Variants in NR3C1 observed in about 807,000 individuals in gnomAD.
NR3C1 encodes the protein glucocorticoid receptor.
In NR3C1, 14 loss-of-function variants were observed where a neutral mutation model predicts 74.0. The observed-to-expected ratio is 0.19, with a 90% confidence interval of 0.12 to 0.30. The LOEUF (loss-of-function observed/expected upper bound fraction) is 0.30. Among genes scored for constraint, NR3C1 ranks in the 10% least tolerant of loss-of-function variants. The pLI, the probability that NR3C1 is intolerant of heterozygous loss-of-function variation, is 1.00. For synonymous variants in NR3C1, 308 were observed against 332.5 expected, an observed-to-expected ratio of 0.93 and a Z score of 0.80; for missense variants, 695 against 909.8, an observed-to-expected ratio of 0.76 and a Z score of 3.04.
At chr5:143,385,373 T>C (rs1837008702) in intron 2 of NR3C1, among the ~76,000 whole-genome samples, 1 of 152,244 alleles carries the variant, frequency 6.6e-6, no homozygotes, top group Non-Finnish European at 1.5e-5. Flanking sequence ...TCACTTGAAT[T>C]GCTCCCCAGA....
intron 2 of NR3C1, among the ~76,000 whole-genome samples, chr5:143,344,313 A>T (rs1456797332): frequency 6.6e-6 from 1 of 152,244 alleles, no homozygotes; most frequent in Non-Finnish European, 1.5e-5. Context: ...GATAGTACAC[A>T]GGTGAAACCA....
In NR3C1 at chr5:143,297,035, C is replaced by T. The variant is rs188849560; in HGVS notation, c.1893-1445G>A. 3.2e-3 allele frequency among the ~76,000 whole-genome samples: 479 copies of T among 147,548 alleles called. 8 individuals carry two copies. The highest frequency in any genetic ancestry group is 1.9e-3 in the Non-Finnish European group (126 of 67,412). Reference sequence around the variant, plus strand: ...GAGGTTGCCATGAGCCAAGATCACACCACTGCACTTGAGCCTGGGTGACAG... The same window carrying T: ...GAGGTTGCCATGAGCCAAGATCACATCACTGCACTTGAGCCTGGGTGACAG... On this transcript the variant is annotated intron_variant, in intron 6 of 8. Transcript: ENST00000394464.
At chr5:143,350,507 G>A (rs1037490088) in intron 2 of NR3C1, among the ~76,000 whole-genome samples, 2 of 152,098 alleles carry the variant, frequency 1.3e-5, no homozygotes, top group Admixed American at 1.3e-4. Context: ...GAGGAAGCAG[G>A]CCTTAGAATA....
intron 1 of NR3C1, among the ~76,000 whole-genome samples, chr5:143,433,328 A>G (rs1751927730): frequency 6.9e-6 from 1 of 144,572 alleles, no homozygotes; most frequent in South Asian, 2.1e-4. Flanking sequence ...AAGGATACTG[A>G]GGACTGGAGA....
chr5:143,411,187 A>C (rs11747997), intron 1 of NR3C1, among the ~76,000 whole-genome samples: 42,870 of 152,024 alleles, frequency 0.28, 6,329 homozygotes, highest in Middle Eastern at 0.36. Flanking sequence ...GTTTGAAATC[A>C]ACCATGGTGG....
chr5:143,297,344 T>G (rs1307148260), intron 6 of NR3C1, among the ~76,000 whole-genome samples: 1 of 152,174 alleles, frequency 6.6e-6, no homozygotes, highest in African/African-American at 2.4e-5. Flanking sequence ...CCAGGATAAG[T>G]TGGTGTTTCA....
At chr5:143,286,511 T>C (rs1173421506) in intron 7 of NR3C1, among the ~76,000 whole-genome samples, 1 of 152,092 alleles carries the variant, frequency 6.6e-6, no homozygotes, top group Non-Finnish European at 1.5e-5. Context: ...ACGAAAAATA[T>C]ATGATCTTGA....
intron 2 of NR3C1, among the ~76,000 whole-genome samples, chr5:143,335,479 A>G (rs1265071487): frequency 1.3e-5 from 2 of 152,266 alleles, no homozygotes; most frequent in South Asian, 2.1e-4. Context: ...TATAAAAACT[A>G]TAACTATTTA....
Position 143,323,374 on chromosome 5 carries a change from T to A in NR3C1, c.1185-9206A>T, listed in dbSNP as rs117779529. On this transcript the variant is annotated intron_variant, in intron 2 of 8. Transcript: ENST00000394464. The stretch of plus-strand genomic sequence containing the variant: ...AGAAAAATGAGGAAGAGGCAAAAGT[T>A]TTGGAAACCCCTGATAAACCCATGA... 1.0e-3 allele frequency among the ~76,000 whole-genome samples: 156 copies of A among 152,216 alleles called. 3 individuals are homozygous for A. The East Asian group carries it at 0.022, about 22-fold the overall frequency.
intron 2 of NR3C1, among the ~76,000 whole-genome samples, chr5:143,317,772 C>T (rs1237131537): frequency 6.6e-6 from 1 of 152,152 alleles, no homozygotes; most frequent in East Asian, 1.9e-4. Context: ...AGGTAAATTA[C>T]ACCCATTCAT....
In NR3C1 at chr5:143,400,681, T is replaced by C. The variant is rs1352740995; in HGVS notation, c.159A>G (p.Gln53=). The C allele has an allele frequency of 2.5e-6, 4 of 1,614,106 alleles. No individual in the cohort carries two copies. The Admixed American group carries it at 5.0e-5, about 20-fold the overall frequency. ...ASSPSLAVAS[Q]SDSKQRRLLV... Reference sequence around the variant, plus strand: ...AAAGTCTTCGCTGCTTGGAGTCTGATTGAGAAGCGACAGCCAGTGAGGGTG... The same window carrying C: ...AAAGTCTTCGCTGCTTGGAGTCTGACTGAGAAGCGACAGCCAGTGAGGGTG... The change falls in exon 2 of 9, where the codon CAA becomes CAG. Residue 53 remains glutamine (Q), a synonymous_variant. Coordinates refer to ENST00000394464, the MANE Select transcript of NR3C1 (RefSeq NM_000176.3).
intron 2 of NR3C1, among the ~76,000 whole-genome samples, chr5:143,356,946 A>G (rs965961679): frequency 1.1e-4 from 17 of 152,340 alleles, no homozygotes; most frequent in Admixed American, 5.9e-4. Context: ...TCAATAGGTA[A>G]ATAAATAAAA....
chr5:143,374,333 A>T (rs945035927), intron 2 of NR3C1, among the ~76,000 whole-genome samples: 2 of 152,120 alleles, frequency 1.3e-5, no homozygotes, highest in African/African-American at 4.8e-5. Flanking sequence ...TCTACTAAAA[A>T]TACAAAAAAT....
chr5:143,360,382 G>T (rs917644498), intron 2 of NR3C1, among the ~76,000 whole-genome samples: 4 of 152,090 alleles, frequency 2.6e-5, no homozygotes, highest in African/African-American at 9.7e-5. Flanking sequence ...ATTTATAAAT[G>T]ACTGCCTTTT....
intron 3 of NR3C1, 141 bp from the exon 4 acceptor site, chr5:143,310,354 G>A: frequency 1.5e-6 from 1 of 679,888 alleles, no homozygotes; most frequent in Non-Finnish European, 2.6e-6. Flanking sequence ...TGCCTACATT[G>A]CCATTATGAG....
In NR3C1 at chr5:143,403,400, C is replaced by T. The variant is rs901943192; in HGVS notation, c.-203G>A. 45 of 985,312 alleles carry T rather than the reference C, an allele frequency of 4.6e-5. No homozygotes were observed. Among genetic ancestry groups the T allele is most frequent in the Non-Finnish European group, 5.4e-5 (45 of 829,994 alleles). The allele number at this position is 985,312 out of a possible 1,614,324, so 61.0% of individuals were successfully genotyped here. A position where few individuals can be genotyped will look rare whatever the true frequency, so the allele number is the denominator to read the frequency against. On this transcript the variant is annotated 5_prime_UTR_variant, in exon 1 of 9. Transcript: ENST00000394464. ...CCCTATTTAAGAAAGTCTCCCATTG[C>T]CCAGCTGACAAGCCAGCCCTCCGCC...
At chr5:143,289,124 AAAC>A (rs1815269807) in intron 7 of NR3C1, among the ~76,000 whole-genome samples, 1 of 152,158 alleles carries the variant, frequency 6.6e-6, no homozygotes, top group Non-Finnish European at 1.5e-5. Context: ...AGAATATCCA[AAAC>A]AACAGTTTGG....
chr5:143,313,914 G>A, intron 3 of NR3C1, 88 bp downstream of exon 3: 1 of 1,418,980 alleles, frequency 7.0e-7, no homozygotes, highest in Non-Finnish European at 9.9e-7. Context: ...GCCTTTCATG[G>A]GCTTTGCATA....
In NR3C1 at chr5:143,314,086, C is replaced by T; in HGVS notation, c.1267G>A (p.Val423Met). Residue 423 changes from valine to methionine, a missense_variant, in exon 3 of 9, where the codon GTG becomes ATG. By Grantham distance (21) the Val-to-Met change is conservative. This residue lies in a region of NR3C1 where 23 missense variants were observed against 83.1 expected (regional missense o/e 0.28). Transcript: ENST00000394464. Reference protein sequence around the residue: ...TTGPPPKLCLVCSDEASGCHY... With the variant: ...TTGPPPKLCLMCSDEASGCHY... Reference sequence around the variant, plus strand: ...CATCCTGAAGCTTCATCAGAGCACACCAGGCAGAGTTTGGGAGGTGGTCCT... The same window carrying T: ...CATCCTGAAGCTTCATCAGAGCACATCAGGCAGAGTTTGGGAGGTGGTCCT... The T allele has an allele frequency of 6.2e-7, 1 of 1,613,774 alleles. No individual in the cohort carries two copies. The highest frequency in any genetic ancestry group is 1.3e-5 in the African/African-American group (1 of 75,016).
Sources: allele counts gnomAD v4.1 joint callset (sites outside exome capture counted in the v4.1 genomes callset), GRCh38; gene constraint gnomAD v4.1.1; regional missense constraint gnomAD v4.1.1; transcripts MANE v1.5; gene names NCBI Gene and HGNC (gene_info 2026-07-23, HGNC 2026-07-21).